Variants in COL11A2 observed in about 807,000 individuals in gnomAD.
The protein encoded by COL11A2 is collagen type XI alpha 2 chain.
In COL11A2, 116 loss-of-function variants were observed where a neutral mutation model predicts 273.4. The observed-to-expected ratio is 0.42, with a 90% CI of 0.36 to 0.49. The LOEUF (loss-of-function observed/expected upper bound fraction) is 0.49. Among genes scored for constraint, COL11A2 ranks in the 20% least tolerant of loss-of-function variants. The pLI, the probability that COL11A2 is intolerant of heterozygous loss-of-function variation, is 0.00. For missense variants in COL11A2, 1,866 were observed against 2,309.0 expected (o/e 0.81, Z 3.93); for synonymous variants, 782 against 864.2 (o/e 0.90, Z 1.67).
intron 1 of COL11A2, among the ~76,000 whole-genome samples, chr6:33,191,164 A>G (rs1389112555): frequency 6.6e-6 from 1 of 152,202 alleles, no homozygotes; most frequent in African/African-American, 2.4e-5. Context: ...AAAGACTCCT[A>G]GAGTCTACAG....
rs753182246 is a variant in COL11A2 at position 33,179,282 on chromosome 6, G to C, written c.1506C>G (p.Gly502=). 1.2e-6 allele frequency: 2 copies of C among 1,610,356 alleles called. No individual in the cohort carries two copies. The highest frequency in any genetic ancestry group is 1.7e-6 in the Non-Finnish European group (2 of 1,178,856). The change falls in exon 15 of 66, where the codon GGC becomes GGG. Residue 502 remains glycine (G), a splice_region_variant and synonymous_variant. Coordinates refer to ENST00000341947, the MANE Select transcript of COL11A2 (RefSeq NM_080680.3). This position sits in a 1 kb window ranked among gnomAD's most constrained non-coding sequence, Gnocchi z 6.4. The stretch of plus-strand genomic sequence containing the variant: ...CTTTCAGGCCAGGGCTCCCAGGTTG[G>C]CCCTGGGAGAGAGAAGAGAGGATGG... The part of the protein sequence containing the change: ...MGYTGRPGPL[G]QPGSPGLKGE...
rs1771605971 is a variant in COL11A2 at position 33,180,657 on chromosome 6, C to T, written c.1284+11G>A. 2 of 1,601,514 alleles carry T rather than the reference C, an allele frequency of 1.2e-6. No individual in the cohort carries two copies. Among genetic ancestry groups the T allele is most frequent in the Non-Finnish European group, 1.7e-6 (2 of 1,174,384 alleles). On this transcript the variant is annotated intron_variant, in intron 11 of 65. Transcript: ENST00000341947. ...CGAAGCTCCCCCGTCACATGGAGGA[C>T]ACCCCCTTACCCTCTCTCCAGGGTC... is the stretch of plus-strand genomic sequence containing the variant.
Position 33,171,442 on chromosome 6 carries a change from G to T in COL11A2, c.3258+25C>A. 3 of 1,611,148 alleles carry T rather than the reference G, an allele frequency of 1.9e-6. No individual in the cohort carries two copies. In the Admixed American group the frequency reaches 5.0e-5, roughly 27 times the overall value. On this transcript the variant is annotated intron_variant, in intron 43 of 65. Transcript: ENST00000341947. Reference sequence around the variant, plus strand: ...GCCATCTCATCTGGAAAGAAGATTGGTCGGGGTCTGTGGGGTCCCCTCACC... The same window carrying T: ...GCCATCTCATCTGGAAAGAAGATTGTTCGGGGTCTGTGGGGTCCCCTCACC...
At chr6:33,171,413 G>C (rs1770041402) in intron 43 of COL11A2, 54 bp downstream of exon 43, 2 of 1,607,652 alleles carry the variant, frequency 1.2e-6, no homozygotes, top group South Asian at 1.1e-5. Context: ...TCATGCCCAG[G>C]TCAGCCATCT....
In COL11A2 at chr6:33,171,313, C is replaced by T. The variant is rs369075130; in HGVS notation, c.3270G>A (p.Gly1090=). The T allele has an allele frequency of 8.7e-6, 14 of 1,614,088 alleles. No homozygotes were observed. The highest frequency in any genetic ancestry group is 3.3e-5 in the South Asian group (3 of 91,086). Residue 1090 remains glycine (G), a synonymous_variant, in exon 44 of 66, where the codon GGG becomes GGA. Transcript: ENST00000341947. ...AGEDGDKGEV[G]DPGQKGTKGN... ...CTTTGGTGCCCTTCTGTCCGGGGTC[C>T]CCCACCTCACCCTGGGAGGAGAAGG... is the stretch of plus-strand genomic sequence containing the variant.
intron 4 of COL11A2, 49 bp from the exon 5 acceptor site, chr6:33,186,867 AG>A (rs777046077): frequency 1.2e-5 from 19 of 1,611,160 alleles, no homozygotes; most frequent in Admixed American, 1.7e-5. Flanking sequence ...AGAGAGGCAG[AG>A]GGTATCATCC....
In COL11A2 at chr6:33,192,223, G is replaced by A; in HGVS notation, c.18C>T (p.Arg6=). The stretch of plus-strand genomic sequence containing the variant: ...GTAGGAGGAGGAGGAGGCGATGGCA[G>A]CGGCTGCACCGCTCCATGGCTGAGA... MERCS[R]CHRLLLLLPL... is the part of the protein sequence containing the mutation. Residue 6 remains arginine, a synonymous_variant, in exon 1 of 66, where the codon CGC becomes CGT. Coordinates refer to ENST00000341947, the MANE Select transcript of COL11A2 (RefSeq NM_080680.3). 1 of 1,562,906 alleles carries A rather than the reference G, an allele frequency of 6.4e-7. No individual in the cohort carries two copies. Among genetic ancestry groups the A allele is most frequent in the Non-Finnish European group, 8.7e-7 (1 of 1,153,756 alleles).
At position 33,176,659 on chromosome 6, in the gene COL11A2, C is replaced by T. The variant is rs1000892992; in HGVS notation, c.2115+62G>A. 15 of 1,540,406 alleles carry T rather than the reference C, an allele frequency of 9.7e-6. No homozygotes were observed. Among genetic ancestry groups the T allele is most frequent in the African/African-American group, 1.4e-5 (1 of 73,226 alleles). Reference sequence around the variant, plus strand: ...TAATGAGACAAGGGAATCCCAAGGACTTTGAGGCTCTAGAGTCTGAGTGGA... The same window carrying T: ...TAATGAGACAAGGGAATCCCAAGGATTTTGAGGCTCTAGAGTCTGAGTGGA... On this transcript the variant is annotated intron_variant, in intron 26 of 65. Coordinates refer to ENST00000341947, the MANE Select transcript of COL11A2 (RefSeq NM_080680.3). This position sits in a 1 kb window ranked among gnomAD's most constrained non-coding sequence, Gnocchi z 4.9.
rs779453008 is a variant in COL11A2, at chr6:33,164,398, C to T, written c.4939G>A (p.Ala1647Thr). The change falls in exon 65 of 66, where the codon GCC (alanine) becomes ACC (threonine). Residue 1647 changes from alanine to threonine, a missense_variant. Coordinates refer to ENST00000341947, the MANE Select transcript of COL11A2 (RefSeq NM_080680.3). This position sits in a 1 kb window ranked among gnomAD's most constrained non-coding sequence, Gnocchi z 4.7. ...LTFLRLLSVS[A>T]HQDVSYPCSG... ...CAGGGGTAGGAGACGTCCTGGTGGG[C>T]TGAGACGCTGAGCAGCCGCAGGAAG... 5.0e-6 allele frequency: 8 copies of T among 1,605,162 alleles called. No individual in the cohort carries two copies. The African/African-American group carries it at 1.1e-4, about 21-fold the overall frequency.
At position 33,169,746 on chromosome 6, in the gene COL11A2, G is replaced by T; in HGVS notation, c.3690+85C>A. 2 of 1,536,372 alleles carry T rather than the reference G, an allele frequency of 1.3e-6. No individual in the cohort carries two copies. The highest frequency in any genetic ancestry group is 1.8e-6 in the Non-Finnish European group (2 of 1,109,218). On this transcript the variant is annotated intron_variant, in intron 50 of 65. Transcript: ENST00000341947. This position sits in a 1 kb window ranked among gnomAD's most constrained non-coding sequence, Gnocchi z 5.5. ...AGACTCTTGCTGCAGAGGAGTTCCAGCTCAAGGAGGTCACAGGAAAAGTGG... is the reference window on the plus strand; with the variant it reads ...AGACTCTTGCTGCAGAGGAGTTCCATCTCAAGGAGGTCACAGGAAAAGTGG...
At position 33,176,543 on chromosome 6, in the gene COL11A2, C is replaced by T; in HGVS notation, c.2116-57G>A. ...GGCCTCAGAGTGTCACTGTGGGGGCCTCCAGGGGTGGAAGAAATGGAAGTA... is the reference window on the plus strand; with the variant it reads ...GGCCTCAGAGTGTCACTGTGGGGGCTTCCAGGGGTGGAAGAAATGGAAGTA... On this transcript the variant is annotated intron_variant, in intron 26 of 65. Transcript: ENST00000341947. This position sits in a 1 kb window ranked among gnomAD's most constrained non-coding sequence, Gnocchi z 4.9. The T allele has an allele frequency of 6.5e-7, 1 of 1,532,520 alleles. No individual in the cohort carries two copies. Among genetic ancestry groups the T allele is most frequent in the South Asian group, 1.1e-5 (1 of 88,640 alleles). The allele number at this position is 1,532,520 out of a possible 1,614,324, so 94.9% of individuals were successfully genotyped here.
At position 33,166,685 on chromosome 6, in the gene COL11A2, C is replaced by T. The variant is rs758093145; in HGVS notation, c.4338+35G>A. 3 of 1,613,186 alleles carry T rather than the reference C, an allele frequency of 1.9e-6. No homozygotes were observed. Among genetic ancestry groups the T allele is most frequent in the South Asian group, 1.1e-5 (1 of 91,072 alleles). On this transcript the variant is annotated intron_variant, in intron 59 of 65. Coordinates refer to ENST00000341947, the MANE Select transcript of COL11A2 (RefSeq NM_080680.3). This position sits in a 1 kb window ranked among gnomAD's most constrained non-coding sequence, Gnocchi z 4.8. ...CCACCCCTCTCCACCCCACTCTCAA[C>T]CCCCACAACTTCCGGGACCATGCCC...
chr6:33,185,751 C>T lies in COL11A2; in HGVS notation c.826G>A (p.Glu276Lys), dbSNP rs9277934. ...QPTESLYYDY[E>K]PPYYDVMTTG... is the part of the protein sequence containing the mutation. ...GTCATCACATCATAATAGGGGGGCT[C>T]GTAGTCATAGTAGAGAGACTCAGTG... Residue 276 changes from glutamate (E) to lysine (K), a missense_variant, in exon 6 of 66, where the codon GAG (glutamate) becomes AAG (lysine). Transcript: ENST00000341947. 419,339 of 1,340,386 alleles carry T rather than the reference C, an allele frequency of 0.31. 67,232 individuals are homozygous for T. The highest frequency in any genetic ancestry group is 0.39 in the South Asian group (33,789 of 87,342). 83.0% of individuals were successfully genotyped at this position (1,340,386 alleles called of 1,614,324 possible).
At chr6:33,184,411 C>T in intron 7 of COL11A2, 87 bp from the exon 8 acceptor site, 7 of 973,214 alleles carry the variant, frequency 7.2e-6, no homozygotes, top group Non-Finnish European at 1.0e-5. Context: ...GTGACAACTT[C>T]TAGCCCAAAG....
In COL11A2 at chr6:33,169,549, C is replaced by A; in HGVS notation, c.3691-59G>T. ...GGAATCTTGAAGATCAGGGATGCAG[C>A]CTCTGCTTCCGAGACACCTTCAGCC... On this transcript the variant is annotated intron_variant, in intron 50 of 65. Coordinates refer to ENST00000341947, the MANE Select transcript of COL11A2 (RefSeq NM_080680.3). This position sits in a 1 kb window ranked among gnomAD's most constrained non-coding sequence, Gnocchi z 5.5. 1 of 1,513,114 alleles carries A rather than the reference C, an allele frequency of 6.6e-7. No individual in the cohort carries two copies. The highest frequency in any genetic ancestry group is 9.1e-7 in the Non-Finnish European group (1 of 1,093,238). The allele number at this position is 1,513,114 out of a possible 1,614,324, so 93.7% of individuals were successfully genotyped here. A position where few individuals can be genotyped will look rare whatever the true frequency, so the allele number is the denominator to read the frequency against.
rs2150533900 is a variant in COL11A2 at position 33,169,186 on chromosome 6, G to T, written c.3799-178C>A. Among the ~76,000 whole-genome samples, 1 of 152,130 alleles carries T rather than the reference G, an allele frequency of 6.6e-6. No individual in the cohort carries two copies. The highest frequency in any genetic ancestry group is 3.4e-3 in the Middle Eastern group (1 of 294). ...ACTGCGTGTTGTCTAATTCCTCAAG[G>T]TATTAACTGCAGGGCATCTCTCACT... On this transcript the variant is annotated intron_variant, in intron 51 of 65. Transcript: ENST00000341947. This position sits in a 1 kb window ranked among gnomAD's most constrained non-coding sequence, Gnocchi z 5.5.
At chr6:33,180,473 A>G in intron 11 of COL11A2, 141 bp from the exon 12 acceptor site, 1 of 936,508 alleles carries the variant, frequency 1.1e-6, no homozygotes, top group Non-Finnish European at 1.6e-6. Context: ...CCCATGGGGA[A>G]AATTGAGGGT....
upstream of COL11A2, among the ~76,000 whole-genome samples, chr6:33,192,771 G>A (rs906349431): frequency 3.3e-5 from 5 of 152,146 alleles, no homozygotes; most frequent in African/African-American, 7.2e-5. Flanking sequence ...GGGGCCCAGA[G>A]CCCCCTTTCA....
At position 33,167,921 on chromosome 6, in the gene COL11A2, T is replaced by C; in HGVS notation, c.3961-69A>G. 1 of 1,555,242 alleles carries C rather than the reference T, an allele frequency of 6.4e-7. No individual in the cohort carries two copies. Among genetic ancestry groups the C allele is most frequent in the African/African-American group, 1.4e-5 (1 of 74,000 alleles). On this transcript the variant is annotated intron_variant, in intron 54 of 65. Coordinates refer to ENST00000341947, the MANE Select transcript of COL11A2 (RefSeq NM_080680.3). The surrounding 1 kb of genome is among the most constrained non-coding windows in gnomAD (Gnocchi z 6.1). ...GCCAGGCTCAACTCTTCCCCCTTCC[T>C]GTCCTAGACACACACATACACATGC...
Sources: gnomAD v4.1 joint callset for allele counts (sites outside exome capture counted in the v4.1 genomes callset) on GRCh38, gnomAD v4.1.1 for gene constraint, Gnocchi (gnomAD v3.1) non-coding constraint, MANE v1.5 for transcripts, NCBI Gene and HGNC (gene_info 2026-07-23, HGNC 2026-07-21) for gene names.